The following RNF220 variants were observed in gnomAD, a reference collection of about 807,000 sequenced individuals.
RNF220 encodes the protein E3 ubiquitin-protein ligase RNF220.
In RNF220, 7 loss-of-function variants were observed where a neutral mutation model predicts 67.1. The ratio of observed to expected loss-of-function variants is 0.10; its 90% CI spans 0.06 to 0.20. The LOEUF is 0.20. RNF220 is among the 10% of genes least tolerant of loss of function. RNF220 has a pLI of 1.00. For synonymous variants in RNF220, 270 were observed against 283.2 expected (o/e 0.95, Z 0.47); for missense variants, 565 against 740.3 (o/e 0.76, Z 2.75).
intron 2 of RNF220, among the ~76,000 whole-genome samples, chr1:44,516,358 A>G (rs1659451373): frequency 6.6e-6 from 1 of 152,202 alleles, no homozygotes; most frequent in African/African-American, 2.4e-5. Flanking sequence ...AGAGACCTTA[A>G]GGAAGACTTC....
At chr1:44,538,006 G>T (rs369879319) in intron 2 of RNF220, among the ~76,000 whole-genome samples, 2 of 152,188 alleles carry the variant, frequency 1.3e-5, no homozygotes, top group African/African-American at 4.8e-5. Flanking sequence ...AGTTACTTTC[G>T]TCTGTTAAAT....
chr1:44,532,593 G>A (rs1660914476), intron 2 of RNF220, among the ~76,000 whole-genome samples: 1 of 152,166 alleles, frequency 6.6e-6, no homozygotes, highest in Non-Finnish European at 1.5e-5. Context: ...GCTTATAAGA[G>A]GCCGAATTGT....
chr1:44,481,618 A>G (rs1461836388), intron 2 of RNF220, among the ~76,000 whole-genome samples: 1 of 152,338 alleles, frequency 6.6e-6, no homozygotes, highest in East Asian at 1.9e-4. Flanking sequence ...CACCTATGGA[A>G]CAAACCTGCA....
intron 3 of RNF220, among the ~76,000 whole-genome samples, chr1:44,617,294 CG>C (rs1295666207): frequency 6.6e-6 from 1 of 152,118 alleles, no homozygotes; most frequent in Non-Finnish European, 1.5e-5. Context: ...ACAGTTGGAC[CG>C]GCCGGCAAAG....
chr1:44,411,390 A>ATG (rs56204407), intron 1 of RNF220, among the ~76,000 whole-genome samples: 44 of 151,792 alleles, frequency 2.9e-4, no homozygotes, highest in East Asian at 2.3e-3. Flanking sequence ...ATACATGAAG[A>ATG]TGTGTGTGTG....
At chr1:44,446,652 G>A (rs941057937) in intron 2 of RNF220, among the ~76,000 whole-genome samples, 3 of 150,056 alleles carry the variant, frequency 2.0e-5, no homozygotes, top group Non-Finnish European at 4.4e-5. Context: ...CTCCACCTCC[G>A]GGTTCAAGCA....
intron 2 of RNF220, among the ~76,000 whole-genome samples, chr1:44,547,065 G>A (rs1375094284): frequency 6.6e-6 from 1 of 152,198 alleles, no homozygotes. Flanking sequence ...TTCCTCCAGG[G>A]TGCCTGGCAC....
chr1:44,477,346 C>T (rs1262603554), intron 2 of RNF220, among the ~76,000 whole-genome samples: 3 of 152,150 alleles, frequency 2.0e-5, no homozygotes, highest in Non-Finnish European at 4.4e-5. Flanking sequence ...CGGATGAATG[C>T]TGTGAAATAA....
rs571415122 is a variant in RNF220 at position 44,624,102 on chromosome 1, C to T, written c.804+1315C>T. ...AGGAGGAGCAGAGCACCTAGCCCTG[C>T]CTTGGGTGGGTATAGGCCTTGGCCA... On this transcript the variant is annotated intron_variant, in intron 4 of 14. Transcript: ENST00000361799. This position sits in a 1 kb window ranked among gnomAD's most constrained non-coding sequence, Gnocchi z 4.2. Among the ~76,000 whole-genome samples the T allele has an allele frequency of 3.9e-5, 6 of 152,336 alleles. No individual in the cohort carries two copies. The highest frequency in any genetic ancestry group is 3.3e-4 in the Admixed American group (5 of 15,310).
chr1:44,409,005 C>T (rs1002415458), intron 1 of RNF220: 1 of 152,250 alleles, frequency 6.6e-6, no homozygotes, highest in Non-Finnish European at 1.5e-5. Flanking sequence ...GTGGCTAGTT[C>T]GCTCCGCAGA....
chr1:44,535,135 C>CT (rs903715852), intron 2 of RNF220, among the ~76,000 whole-genome samples: 7,904 of 103,046 alleles, frequency 0.077, 557 homozygotes, highest in African/African-American at 0.13. Flanking sequence ...GCAGCTTCTT[C>CT]TTTTTTTTTT....
intron 2 of RNF220, among the ~76,000 whole-genome samples, chr1:44,425,782 TA>T (rs773427705): frequency 6.6e-6 from 1 of 152,318 alleles, no homozygotes; most frequent in East Asian, 1.9e-4. Flanking sequence ...ATAAATGCCA[TA>T]CCCTCACATA....
At chr1:44,614,329 GAGGAGTCC>G in intron 3 of RNF220, 32 bp downstream of exon 3, 1 of 1,609,872 alleles carries the variant, frequency 6.2e-7, no homozygotes, top group Non-Finnish European at 8.5e-7. Context: ...CTGCCTGCTG[GAGGAGTCC>G]ACTCAGGGTT....
Position 44,520,128 on chromosome 1 carries a change from T to TGAGA in RNF220, c.626-94022_626-94019dup, listed in dbSNP as rs1553236436. ...GTGTGTGTGTGTGTGTGTGTGTGTG[T>TGAGA]GAGAGAGAGAGAGAGAGAAAGAGAG... is the stretch of plus-strand genomic sequence containing the variant. On this transcript the variant is annotated intron_variant, in intron 2 of 14. Transcript: ENST00000361799. Among the ~76,000 whole-genome samples the TGAGA allele has an allele frequency of 3.1e-3, 357 of 113,380 alleles. 1 individual carries two copies. Among genetic ancestry groups the TGAGA allele is most frequent in the African/African-American group, 0.01 (317 of 31,084 alleles). 74.4% of individuals were successfully genotyped at this position (113,380 alleles called of 152,430 possible).
chr1:44,531,451 T>C (rs1660824296), intron 2 of RNF220, among the ~76,000 whole-genome samples: 1 of 152,212 alleles, frequency 6.6e-6, no homozygotes, highest in African/African-American at 2.4e-5. Context: ...TCCAAGCATT[T>C]AGTTGCTCTC....
chr1:44,414,487 G>A (rs1648321677), intron 2 of RNF220, among the ~76,000 whole-genome samples: 2 of 152,056 alleles, frequency 1.3e-5, no homozygotes, highest in Admixed American at 6.5e-5. Flanking sequence ...ACCTGTATCC[G>A]ACTCCAGAGC....
intron 2 of RNF220, among the ~76,000 whole-genome samples, chr1:44,543,197 C>T (rs1052442443): frequency 6.6e-6 from 1 of 152,148 alleles, no homozygotes; most frequent in East Asian, 1.9e-4. Context: ...AGAGACCTCC[C>T]CGTCAGACCC....
At position 44,645,543 on chromosome 1, in the gene RNF220, C is replaced by T; in HGVS notation, c.1445+55C>T. Reference sequence around the variant, plus strand: ...GACCACAGTTCAGTGGGAGGAGGGGCCCTTTGCTAGCAGGAAGGCCTGCTG... The same window carrying T: ...GACCACAGTTCAGTGGGAGGAGGGGTCCTTTGCTAGCAGGAAGGCCTGCTG... On this transcript the variant is annotated intron_variant, in intron 12 of 14. Transcript: ENST00000361799. The surrounding 1 kb of genome is among the most constrained non-coding windows in gnomAD (Gnocchi z 5.0). 3.8e-6 allele frequency: 6 copies of T among 1,564,832 alleles called. No homozygotes were observed. The highest frequency in any genetic ancestry group is 5.3e-6 in the Non-Finnish European group (6 of 1,141,324).
intron 2 of RNF220, among the ~76,000 whole-genome samples, chr1:44,492,140 G>A (rs571123710): frequency 4.6e-5 from 7 of 152,268 alleles, no homozygotes; most frequent in African/African-American, 1.7e-4. Flanking sequence ...GAAGATGTAT[G>A]AATACTTGGC....
Sources: allele counts gnomAD v4.1 joint callset (sites outside exome capture counted in the v4.1 genomes callset), GRCh38; gene constraint gnomAD v4.1.1; non-coding constraint Gnocchi (gnomAD v3.1); transcripts MANE v1.5; gene names NCBI Gene and HGNC (gene_info 2026-07-23, HGNC 2026-07-21).